PDE4D: variants seen among roughly 807,000 people sequenced by gnomAD.
PDE4D encodes the protein 3',5'-cyclic-AMP phosphodiesterase 4D.
Under a neutral mutation model 87.4 loss-of-function variants are expected in PDE4D, and 24 were observed. The observed-to-expected ratio is 0.27, with a 90% CI of 0.20 to 0.39. The LOEUF (loss-of-function observed/expected upper bound fraction) is 0.39. PDE4D is among the 10% of genes least tolerant of loss of function. PDE4D has a pLI of 1.00. For synonymous variants in PDE4D, 384 were observed against 383.2 expected (o/e 1.00, Z -0.02); for missense variants, 714 against 1,041.0 (o/e 0.69, Z 4.32).
chr5:59,481,899 T>A (rs1049238704), intron 1 of PDE4D, among the ~76,000 whole-genome samples: 2 of 152,050 alleles, frequency 1.3e-5, no homozygotes, highest in Non-Finnish European at 2.9e-5. Flanking sequence ...AGTAAAATAT[T>A]TAGAGAAAGA....
At chr5:59,974,945 G>T (rs550455895) in intron 3 of PDE4D, among the ~76,000 whole-genome samples, 1 of 152,036 alleles carries the variant, frequency 6.6e-6, no homozygotes, top group Non-Finnish European at 1.5e-5. Context: ...TCTCAAATTT[G>T]ACTCTTCGCT....
intron 3 of PDE4D, among the ~76,000 whole-genome samples, chr5:59,924,594 A>G (rs184919628): frequency 1.3e-5 from 2 of 151,304 alleles, no homozygotes; most frequent in Non-Finnish European, 2.9e-5. Context: ...CTCACCTCTT[A>G]TTCTAGAATA....
At chr5:60,054,510 A>T (rs1770565890) in intron 2 of PDE4D, among the ~76,000 whole-genome samples, 1 of 152,082 alleles carries the variant, frequency 6.6e-6, no homozygotes, top group African/African-American at 2.4e-5. Context: ...GGAGGGGAAC[A>T]TCACACACCA....
intron 1 of PDE4D, among the ~76,000 whole-genome samples, chr5:59,660,259 A>G (rs990126330): frequency 2.0e-5 from 3 of 152,124 alleles, no homozygotes; most frequent in African/African-American, 4.8e-5. Flanking sequence ...TTGGTAATAC[A>G]TATTTCTTCT....
chr5:59,241,001 A>G (rs905967419), intron 1 of PDE4D, among the ~76,000 whole-genome samples: 1 of 152,142 alleles, frequency 6.6e-6, no homozygotes, highest in Non-Finnish European at 1.5e-5. Context: ...ATGAGTCTTT[A>G]TGAGATTTAA....
At chr5:59,402,332 CTGAAG>C (rs1790795054) in intron 1 of PDE4D, among the ~76,000 whole-genome samples, 1 of 152,150 alleles carries the variant, frequency 6.6e-6, no homozygotes, top group Admixed American at 6.5e-5. Context: ...AGAGTGAGAG[CTGAAG>C]TGAGATAATT....
At chr5:60,129,685 A>G (rs1156930208) in intron 2 of PDE4D, among the ~76,000 whole-genome samples, 2 of 152,176 alleles carry the variant, frequency 1.3e-5, no homozygotes. Flanking sequence ...GATGAATGGA[A>G]ATATTTGATT....
chr5:59,256,084 A>T (rs1395544773), intron 1 of PDE4D, among the ~76,000 whole-genome samples: 1 of 152,114 alleles, frequency 6.6e-6, no homozygotes, highest in East Asian at 1.9e-4. Flanking sequence ...TGCTAGATAA[A>T]AGATAGACAA....
intron 1 of PDE4D, among the ~76,000 whole-genome samples, chr5:60,364,027 T>C (rs1458673326): frequency 6.6e-6 from 1 of 152,176 alleles, no homozygotes; most frequent in African/African-American, 2.4e-5. Flanking sequence ...AGAAAAGTGA[T>C]ATTAAGTTGT....
intron 1 of PDE4D, among the ~76,000 whole-genome samples, chr5:59,668,211 C>T (rs1368497840): frequency 6.6e-6 from 1 of 152,162 alleles, no homozygotes; most frequent in Admixed American, 6.5e-5. Flanking sequence ...TCTGTCATAT[C>T]TATCATAGAA....
At chr5:59,412,408 G>A (rs181837102) in intron 1 of PDE4D, among the ~76,000 whole-genome samples, 151 of 152,242 alleles carry the variant, frequency 9.9e-4, no homozygotes, top group South Asian at 3.7e-3. Flanking sequence ...TCCCCTCTGC[G>A]GTAGTTACAC....
chr5:60,352,575 G>A (rs1759295562), intron 1 of PDE4D, among the ~76,000 whole-genome samples: 1 of 152,194 alleles, frequency 6.6e-6, no homozygotes, highest in Non-Finnish European at 1.5e-5. Context: ...AGCAGCCTTA[G>A]ACATTAGCTA....
intron 3 of PDE4D, among the ~76,000 whole-genome samples, chr5:59,934,209 C>T (rs751693588): frequency 3.3e-5 from 5 of 152,108 alleles, no homozygotes; most frequent in Non-Finnish European, 7.4e-5. Flanking sequence ...TCAGGTGATC[C>T]GCCCACCTTG....
At chr5:60,370,638 C>A (rs1760943370) in intron 1 of PDE4D, among the ~76,000 whole-genome samples, 1 of 152,144 alleles carries the variant, frequency 6.6e-6, no homozygotes, top group Non-Finnish European at 1.5e-5. Flanking sequence ...GGAAATTAAT[C>A]CTTTAAGAAC....
At chr5:59,726,023 G>A (rs1280470455) in intron 1 of PDE4D, among the ~76,000 whole-genome samples, 4 of 152,020 alleles carry the variant, frequency 2.6e-5, no homozygotes, top group Non-Finnish European at 5.9e-5. Flanking sequence ...CCACACCACT[G>A]TGTCTGGCAC....
At chr5:59,365,966 A>C (rs1417767551) in intron 1 of PDE4D, among the ~76,000 whole-genome samples, 1 of 152,218 alleles carries the variant, frequency 6.6e-6, no homozygotes, top group Non-Finnish European at 1.5e-5. Context: ...TCTAAAATAT[A>C]AACTTGATAG....
intron 3 of PDE4D, among the ~76,000 whole-genome samples, chr5:59,189,633 G>GTGCTCC (rs570364848): frequency 2.0e-5 from 3 of 152,070 alleles, no homozygotes; most frequent in Non-Finnish European, 4.4e-5. Flanking sequence ...TGCCTCCTTA[G>GTGCTCC]TGCTCCTTGG....
Position 58,991,855 on chromosome 5 carries a change from C to T in PDE4D, c.1165G>A (p.Glu389Lys), listed in dbSNP as rs1264970791. 1 of 1,515,764 alleles carries T rather than the reference C, an allele frequency of 6.6e-7. No homozygotes were observed. Among genetic ancestry groups the T allele is most frequent in the Non-Finnish European group, 8.8e-7 (1 of 1,134,706 alleles). The allele number at this position is 1,515,764 out of a possible 1,614,324, so 93.9% of individuals were successfully genotyped here. Reference sequence around the variant, plus strand: ...ACCTTGGCAAGGACATCTTCTTGTTCAGTTTTAACTCCAAACCTTGGGATA... The same window carrying T: ...ACCTTGGCAAGGACATCTTCTTGTTTAGTTTTAACTCCAAACCTTGGGATA... ...SSIPRFGVKTEQEDVLAKELE... is the reference protein window; with the variant it reads ...SSIPRFGVKTKQEDVLAKELE... The change falls in exon 8 of 15, where the codon GAA (glutamate) becomes AAA (lysine). Residue 389 changes from glutamate (E) to lysine (K), a missense_variant. Glu to Lys is a moderately conservative substitution (Grantham distance 56). Coordinates refer to ENST00000340635, the MANE Select transcript of PDE4D (RefSeq NM_001104631.2).
At chr5:60,496,391 C>T (rs1412626714) in intron 1 of PDE4D, among the ~76,000 whole-genome samples, 1 of 152,172 alleles carries the variant, frequency 6.6e-6, no homozygotes, top group Non-Finnish European at 1.5e-5. Flanking sequence ...CCTGTCTTGG[C>T]TTCAGAAAAC....
Sources: allele counts gnomAD v4.1 joint callset (sites outside exome capture counted in the v4.1 genomes callset), GRCh38; gene constraint gnomAD v4.1.1; transcripts MANE v1.5; gene names NCBI Gene and HGNC (gene_info 2026-07-23, HGNC 2026-07-21).